The following RBFOX1 variants were observed in gnomAD, a reference collection of about 807,000 sequenced individuals.
RBFOX1 encodes the protein RNA binding fox-1 homolog 1, also known as RNA binding protein fox-1 homolog 1.
Under a neutral mutation model 57.7 loss-of-function variants are expected in RBFOX1, and 8 were observed. The ratio of observed to expected loss-of-function variants is 0.14; its 90% CI spans 0.08 to 0.25. The LOEUF is 0.25. Among genes scored for constraint, RBFOX1 ranks in the 10% least tolerant of loss-of-function variants. The pLI is 1.00. For synonymous variants in RBFOX1, 326 were observed against 222.4 expected (o/e 1.47, Z -4.15); for missense variants, 611 against 548.5 (o/e 1.11, Z -1.14).
intron 3 of RBFOX1, among the ~76,000 whole-genome samples, chr16:5,753,930 T>C (rs2053305463): frequency 6.6e-6 from 1 of 152,070 alleles, no homozygotes; most frequent in Admixed American, 6.5e-5. Context: ...TCTGTGTCCA[T>C]CCCCCACTCC....
intron 3 of RBFOX1, among the ~76,000 whole-genome samples, chr16:6,873,163 C>T (rs184921676): frequency 4.0e-5 from 6 of 150,694 alleles, no homozygotes; most frequent in East Asian, 1.9e-4. Flanking sequence ...AGCAGACTTT[C>T]CTCCTGAAGC....
intron 2 of RBFOX1, among the ~76,000 whole-genome samples, chr16:5,524,377 C>G (rs750188188): frequency 4.6e-5 from 7 of 152,108 alleles, no homozygotes; most frequent in Non-Finnish European, 8.8e-5. Context: ...TATTAAAATT[C>G]TTTTGGGAGG....
At chr16:5,725,862 G>A (rs1181160743) in intron 3 of RBFOX1, among the ~76,000 whole-genome samples, 2 of 151,960 alleles carry the variant, frequency 1.3e-5, no homozygotes, top group African/African-American at 2.4e-5. Context: ...CTGGCATGAG[G>A]AGGCTGCTGG....
intron 5 of RBFOX1, among the ~76,000 whole-genome samples, chr16:7,569,029 G>C (rs1327589848): frequency 6.6e-6 from 1 of 151,950 alleles, no homozygotes; most frequent in Non-Finnish European, 1.5e-5. Context: ...ATTGTCCTAG[G>C]GAAGACTTTC....
chr16:6,546,887 C>T (rs1172656583), intron 2 of RBFOX1, among the ~76,000 whole-genome samples: 2 of 152,170 alleles, frequency 1.3e-5, no homozygotes. Context: ...CCTCCGAAGT[C>T]CATGCTTGGT....
At chr16:5,697,378 G>T (rs1256210763) in intron 3 of RBFOX1, among the ~76,000 whole-genome samples, 1 of 150,790 alleles carries the variant, frequency 6.6e-6, no homozygotes, top group Non-Finnish European at 1.5e-5. Flanking sequence ...ATAATATGTA[G>T]CATATATGCT....
At chr16:6,516,436 T>C (rs1308052996) in intron 2 of RBFOX1, among the ~76,000 whole-genome samples, 1 of 152,184 alleles carries the variant, frequency 6.6e-6, no homozygotes, top group African/African-American at 2.4e-5. Context: ...CTTAGCAGTA[T>C]TCAACAGTAG....
At chr16:5,718,801 C>T (rs539602856) in intron 3 of RBFOX1, among the ~76,000 whole-genome samples, 1 of 152,146 alleles carries the variant, frequency 6.6e-6, no homozygotes, top group East Asian at 1.9e-4. Context: ...CCCAGCTACT[C>T]CAGAGGCTGA....
Position 7,204,832 on chromosome 16 carries a change from C to T in RBFOX1, c.27+152734C>T, listed in dbSNP as rs112521096. Among the ~76,000 whole-genome samples, 219 of 152,272 alleles carry T rather than the reference C, an allele frequency of 1.4e-3. 1 individual carries two copies. Among genetic ancestry groups the T allele is most frequent in the African/African-American group, 4.7e-3 (196 of 41,548 alleles). ...ATTGGTAACTCCTCATTTTCCCCTC[C>T]GCACAGTTTCTGGCATTCGCCATTC... is the stretch of plus-strand genomic sequence containing the variant. On this transcript the variant is annotated intron_variant, in intron 4 of 15. Transcript: ENST00000550418.
At chr16:6,211,820 TTTTATTTATTTATTTA>T (rs200566514) in intron 1 of RBFOX1, among the ~76,000 whole-genome samples, 48 of 140,876 alleles carry the variant, frequency 3.4e-4, no homozygotes, top group African/African-American at 5.4e-4. Flanking sequence ...GGAATACATC[TTTTATTTATTTATTTA>T]TTTATTTATT....
At chr16:7,030,601 G>T (rs536340792) in intron 3 of RBFOX1, among the ~76,000 whole-genome samples, 1 of 152,014 alleles carries the variant, frequency 6.6e-6, no homozygotes, top group African/African-American at 2.4e-5. Context: ...TTGCTATTTC[G>T]TATGTGGACA....
intron 1 of RBFOX1, among the ~76,000 whole-genome samples, chr16:6,175,506 G>C (rs893401467): frequency 6.6e-6 from 1 of 152,090 alleles, no homozygotes; most frequent in African/African-American, 2.4e-5. Context: ...TGTAGGTCGG[G>C]GGGGTGGGGG....
At chr16:6,067,416 A>G (rs529602950) in intron 1 of RBFOX1, among the ~76,000 whole-genome samples, 122 of 151,670 alleles carry the variant, frequency 8.0e-4, no homozygotes, top group African/African-American at 2.8e-3. Flanking sequence ...AACACCCTGA[A>G]AATACAAGCG....
intron 1 of RBFOX1, among the ~76,000 whole-genome samples, chr16:5,320,602 A>G (rs1484070415): frequency 6.6e-6 from 1 of 152,206 alleles, no homozygotes; most frequent in Non-Finnish European, 1.5e-5. Flanking sequence ...CTTCAGAGAG[A>G]AGTTCTCCTA....
chr16:5,691,918 T>G (rs755784767), intron 3 of RBFOX1, among the ~76,000 whole-genome samples: 1 of 152,184 alleles, frequency 6.6e-6, no homozygotes, highest in Non-Finnish European at 1.5e-5. Flanking sequence ...TATACTGCCT[T>G]CCTCCACTTT....
At chr16:5,428,559 C>T (rs372376484) in intron 1 of RBFOX1, among the ~76,000 whole-genome samples, 26 of 152,040 alleles carry the variant, frequency 1.7e-4, no homozygotes, top group African/African-American at 6.0e-4. Context: ...CTGAGCACCA[C>T]GGAGACAAAC....
chr16:6,830,619 TG>T (rs2092637755), intron 3 of RBFOX1, among the ~76,000 whole-genome samples: 1 of 152,210 alleles, frequency 6.6e-6, no homozygotes, highest in Non-Finnish European at 1.5e-5. Flanking sequence ...CCAAGGGTTC[TG>T]CTAAACATAC....
intron 4 of RBFOX1, among the ~76,000 whole-genome samples, chr16:7,130,570 G>A (rs536080401): frequency 1.3e-5 from 2 of 152,282 alleles, no homozygotes; most frequent in South Asian, 4.1e-4. Flanking sequence ...GAAACAGTGA[G>A]TCAGTGTGCA....
chr16:5,811,467 T>C (rs2055429659), intron 3 of RBFOX1, among the ~76,000 whole-genome samples: 1 of 151,326 alleles, frequency 6.6e-6, no homozygotes. Context: ...TTTTTTTTTT[T>C]TTAAGATGGA....
Sources: allele counts gnomAD v4.1 joint callset (sites outside exome capture counted in the v4.1 genomes callset), GRCh38; gene constraint gnomAD v4.1.1; transcripts MANE v1.5; gene names NCBI Gene and HGNC (gene_info 2026-07-23, HGNC 2026-07-21).